SLC44A3: variants seen among roughly 807,000 people sequenced by gnomAD.
SLC44A3 encodes the protein solute carrier family 44 member 3.
A neutral mutation model predicts 75.4 loss-of-function variants in SLC44A3; 74 were observed. The ratio of observed to expected loss-of-function variants is 0.98; its 90% CI spans 0.81 to 1.19. The LOEUF (loss-of-function observed/expected upper bound fraction) is 1.19, where lower values mean the gene tolerates loss of function less well. Among genes scored for constraint, SLC44A3 ranks in the 50% most tolerant of loss-of-function variants. The pLI is 0.00. For missense variants in SLC44A3, 700 were observed against 778.6 expected (o/e 0.90, Z 1.20); for synonymous variants, 310 against 296.9 (o/e 1.04, Z -0.45).
At chr1:94,851,131 C>G (rs949457050) in intron 9 of SLC44A3, among the ~76,000 whole-genome samples, 3 of 152,136 alleles carry the variant, frequency 2.0e-5, no homozygotes, top group Non-Finnish European at 2.9e-5. Flanking sequence ...CAACTCTCCC[C>G]CTAAACTGCT....
intron 5 of SLC44A3, among the ~76,000 whole-genome samples, chr1:94,833,870 T>C (rs913884591): frequency 2.6e-5 from 4 of 152,164 alleles, no homozygotes; most frequent in Non-Finnish European, 2.9e-5. Context: ...AAAATCAAGA[T>C]GTCAGGATCT....
At chr1:94,833,936 T>A (rs1487207495) in intron 5 of SLC44A3, among the ~76,000 whole-genome samples, 5 of 152,148 alleles carry the variant, frequency 3.3e-5, no homozygotes, top group Non-Finnish European at 7.3e-5. Flanking sequence ...CTGATGTGAG[T>A]AACTTTGGAA....
intron 8 of SLC44A3, among the ~76,000 whole-genome samples, chr1:94,843,971 G>A (rs1169424722): frequency 3.3e-5 from 5 of 152,106 alleles, no homozygotes; most frequent in South Asian, 2.1e-4. Context: ...TGGCATCAGC[G>A]GTGGAAACAG....
intron 9 of SLC44A3, among the ~76,000 whole-genome samples, chr1:94,849,542 C>T (rs1162345363): frequency 6.6e-6 from 1 of 152,130 alleles, no homozygotes; most frequent in Non-Finnish European, 1.5e-5. Flanking sequence ...TCAGAAGATG[C>T]CCCAGCTAAC....
intron 12 of SLC44A3, 117 bp downstream of exon 12, chr1:94,867,534 G>A: frequency 1.5e-6 from 1 of 675,998 alleles, no homozygotes; most frequent in African/African-American, 1.8e-5. Context: ...AAACATTTTA[G>A]GCTTTCAGAC....
At chr1:94,887,907 C>A (rs908720093) in intron 12 of SLC44A3, among the ~76,000 whole-genome samples, 4 of 152,162 alleles carry the variant, frequency 2.6e-5, no homozygotes, top group Non-Finnish European at 4.4e-5. Flanking sequence ...CAACTACAGG[C>A]CCCTGCCACA....
chr1:94,845,649 T>C (rs1006150196), intron 9 of SLC44A3, among the ~76,000 whole-genome samples, 185 bp downstream of exon 9: 1 of 152,192 alleles, frequency 6.6e-6, no homozygotes, highest in Admixed American at 6.5e-5. Flanking sequence ...CTCTTCTATA[T>C]TGGTTTTAAA....
chr1:94,867,377 G>C lies in SLC44A3; in HGVS notation c.1442G>C (p.Cys481Ser). Residue 481 changes from cysteine to serine, a missense_variant, in exon 12 of 15, where the codon TGT (cysteine) becomes TCT (serine). Cys to Ser is a moderately radical substitution (Grantham distance 112). Transcript: ENST00000271227. ...SRYLFRCCYC[C>S]FWCLDKYLLH... ...TACCTGTTCCGATGCTGCTACTGCT[G>C]TTTCTGGTGTCTTGACAAATACCTG... The C allele has an allele frequency of 3.7e-6, 6 of 1,605,982 alleles. No individual in the cohort carries two copies. The highest frequency in any genetic ancestry group is 5.1e-6 in the Non-Finnish European group (6 of 1,175,276).
chr1:94,883,468 T>C (rs1669219953), intron 12 of SLC44A3, among the ~76,000 whole-genome samples: 1 of 152,138 alleles, frequency 6.6e-6, no homozygotes, highest in Non-Finnish European at 1.5e-5. Flanking sequence ...ATTGAGCCAC[T>C]ATACTCCAGC....
chr1:94,891,370 G>A (rs756853707), intron 13 of SLC44A3, 103 bp downstream of exon 13: 7 of 1,188,202 alleles, frequency 5.9e-6, no homozygotes, highest in Non-Finnish European at 8.3e-6. Context: ...TTACTCTATA[G>A]TGGGTGCTGT....
chr1:94,831,729 A>G (rs1662160038), intron 5 of SLC44A3, among the ~76,000 whole-genome samples: 2 of 152,204 alleles, frequency 1.3e-5, no homozygotes, highest in Non-Finnish European at 1.5e-5. Flanking sequence ...TGTGCATGTC[A>G]CTGCATGGTT....
chr1:94,823,237 C>T (rs185664243), intron 2 of SLC44A3, among the ~76,000 whole-genome samples: 147 of 152,334 alleles, frequency 9.6e-4, no homozygotes, highest in African/African-American at 3.3e-3. Context: ...GACCTTACTA[C>T]ACTCCAACTC....
Position 94,894,913 on chromosome 1 carries a change from T to G in SLC44A3, c.1953T>G (p.Ile651Met). The G allele has an allele frequency of 1.9e-6, 3 of 1,609,652 alleles. No individual in the cohort carries two copies. Among genetic ancestry groups the G allele is most frequent in the East Asian group, 2.2e-5 (1 of 44,518 alleles). Residue 651 changes from isoleucine to methionine, a missense_variant, in exon 15 of 15, where the codon ATT becomes ATG. By Grantham distance (10) the Ile-to-Met change is conservative. Coordinates refer to ENST00000271227, the MANE Select transcript of SLC44A3 (RefSeq NM_001114106.3). ...RNEEGTELQA[I>M]VR ...AGGAGGGAACAGAACTCCAGGCCATTGTGAGATAGATACCCATTTAGGTAT... is the reference window on the plus strand; with the variant it reads ...AGGAGGGAACAGAACTCCAGGCCATGGTGAGATAGATACCCATTTAGGTAT...
chr1:94,847,389 C>G (rs1371095865), intron 9 of SLC44A3, among the ~76,000 whole-genome samples: 3 of 152,234 alleles, frequency 2.0e-5, no homozygotes, highest in Non-Finnish European at 1.5e-5. Flanking sequence ...GAGCATGCCC[C>G]TCCCAGAAGT....
chr1:94,837,872 G>C lies in SLC44A3; in HGVS notation c.670+1G>C. 6.3e-7 allele frequency: 1 copy of C among 1,586,578 alleles called. No homozygotes were observed. The highest frequency in any genetic ancestry group is 8.6e-7 in the Non-Finnish European group (1 of 1,169,064). On this transcript the variant is annotated splice_donor_variant, in intron 6 of 14. Coordinates refer to ENST00000271227, the MANE Select transcript of SLC44A3 (RefSeq NM_001114106.3). LOFTEE classifies it high-confidence loss of function. ...CTTGGCCTGTGTATCCTCGCATTAGGTAATTCTCAGTTAAGTTAATTTTAA... is the reference window on the plus strand; with the variant it reads ...CTTGGCCTGTGTATCCTCGCATTAGCTAATTCTCAGTTAAGTTAATTTTAA...
chr1:94,875,038 A>G (rs1351668511), intron 12 of SLC44A3, among the ~76,000 whole-genome samples: 2 of 152,226 alleles, frequency 1.3e-5, no homozygotes, highest in Admixed American at 1.3e-4. Flanking sequence ...CTGAATCAGA[A>G]TGACCAACCC....
rs1662788488 is a variant in SLC44A3 at position 94,836,400 on chromosome 1, A to G, written c.510-1311A>G. On this transcript the variant is annotated intron_variant, in intron 5 of 14. Coordinates refer to ENST00000271227, the MANE Select transcript of SLC44A3 (RefSeq NM_001114106.3). Reference sequence around the variant, plus strand: ...ACCCAAGGCAGTTATCAACTGCAGCATCAATCACACATTTACTATCCATTT... The same window carrying G: ...ACCCAAGGCAGTTATCAACTGCAGCGTCAATCACACATTTACTATCCATTT... Among the ~76,000 whole-genome samples the G allele has an allele frequency of 2.0e-5, 3 of 152,350 alleles. 1 individual carries two copies. In the South Asian group the frequency reaches 6.2e-4, roughly 32 times the overall value.
intron 12 of SLC44A3, among the ~76,000 whole-genome samples, chr1:94,887,687 A>G (rs1669736601): frequency 6.6e-6 from 1 of 152,202 alleles, no homozygotes; most frequent in African/African-American, 2.4e-5. Context: ...GTGCTTCCCC[A>G]TGGGAAGCAA....
chr1:94,841,948 A>G, intron 7 of SLC44A3, 52 bp from the exon 8 acceptor site: 7 of 1,549,624 alleles, frequency 4.5e-6, no homozygotes, highest in Middle Eastern at 1.7e-4. Flanking sequence ...GTGCTGGGGA[A>G]AGGTTACCTC....
Sources: gnomAD v4.1 joint callset for allele counts (sites outside exome capture counted in the v4.1 genomes callset) on GRCh38, gnomAD v4.1.1 for gene constraint, MANE v1.5 for transcripts, NCBI Gene and HGNC (gene_info 2026-07-23, HGNC 2026-07-21) for gene names.